Variants in UGCG observed in about 807,000 individuals in gnomAD.
The protein encoded by UGCG is UDP-glucose ceramide glucosyltransferase.
A neutral mutation model predicts 49.5 loss-of-function variants in UGCG; 10 were observed. That is an observed-to-expected ratio of 0.20 (90% CI 0.12 to 0.34). The LOEUF (loss-of-function observed/expected upper bound fraction) is 0.34. Among genes scored for constraint, UGCG ranks in the 10% least tolerant of loss-of-function variants. UGCG has a pLI of 1.00. For missense variants in UGCG, 312 were observed against 483.7 expected (o/e 0.65, Z 3.33); for synonymous variants, 182 against 158.2 (o/e 1.15, Z -1.13).
At chr9:111,899,550 G>A (rs1406026721) in intron 1 of UGCG, among the ~76,000 whole-genome samples, 1 of 152,100 alleles carries the variant, frequency 6.6e-6, no homozygotes, top group East Asian at 1.9e-4. Flanking sequence ...TCCCCAGTCT[G>A]TTTTTTGTCT....
chr9:111,931,500 C>CT (rs1220540848), intron 7 of UGCG, 143 bp downstream of exon 7: 1 of 677,488 alleles, frequency 1.5e-6, no homozygotes, highest in Admixed American at 3.1e-5. Flanking sequence ...AGTTTAACGT[C>CT]TGTGTTTAAG....
rs773122493 is a variant in UGCG at position 111,932,205 on chromosome 9, C to T, written c.860C>T (p.Thr287Ile). The T allele has an allele frequency of 6.2e-7, 1 of 1,613,944 alleles. No individual in the cohort carries two copies. The highest frequency in any genetic ancestry group is 1.7e-5 in the Admixed American group (1 of 59,992). The change falls in exon 8 of 9, where the codon ACA becomes ATA. Residue 287 changes from threonine to isoleucine, a missense_variant. Thr to Ile is a moderately conservative substitution (Grantham distance 89, BLOSUM62 -1). Around this residue, in one of 4 missense-constraint regions of UGCG, gnomAD observed 180 missense variants for 320.4 expected, o/e 0.56. Transcript: ENST00000374279. ...TKLRINMLPA[T>I]IICEPISECF... The stretch of plus-strand genomic sequence containing the variant: ...CTACGAATTAACATGCTTCCTGCTA[C>T]AATAATTTGTGAGCCAATTTCAGAA...
At chr9:111,921,118 G>A (rs1176613667) in intron 2 of UGCG, among the ~76,000 whole-genome samples, 1 of 151,656 alleles carries the variant, frequency 6.6e-6, no homozygotes, top group Non-Finnish European at 1.5e-5. Context: ...TTCCCAGGCT[G>A]GTCTCAAAAA....
chr9:111,901,466 C>T (rs965965650), intron 1 of UGCG, among the ~76,000 whole-genome samples: 1 of 152,122 alleles, frequency 6.6e-6, no homozygotes, highest in South Asian at 2.1e-4. Context: ...CAATTCAGCC[C>T]CTTTAACCTG....
chr9:111,910,414 A>G lies in UGCG; in HGVS notation c.99-4191A>G, dbSNP rs138672479. Reference sequence around the variant, plus strand: ...TTTAGACCTTCTTATTCTGTCATCCACATCTCAAACTTTTTCATGATTTCT... The same window carrying G: ...TTTAGACCTTCTTATTCTGTCATCCGCATCTCAAACTTTTTCATGATTTCT... On this transcript the variant is annotated intron_variant, in intron 1 of 8. Coordinates refer to ENST00000374279, the MANE Select transcript of UGCG (RefSeq NM_003358.3). Among the ~76,000 whole-genome samples, 15 of 152,298 alleles carry G rather than the reference A, an allele frequency of 9.8e-5. No homozygotes were observed. In the East Asian group the frequency reaches 1.3e-3, roughly 14 times the overall value.
At position 111,909,817 on chromosome 9, in the gene UGCG, A is replaced by G. The variant is rs145711237; in HGVS notation, c.99-4788A>G. Among the ~76,000 whole-genome samples, 323 of 152,328 alleles carry G rather than the reference A, an allele frequency of 2.1e-3. 7 individuals are homozygous for G. The East Asian group carries it at 0.038, about 18-fold the overall frequency. ...TTTGTTGGTTGCGTTATGTAAGTCA[A>G]AACAGTATTCTGCAAGGTAGGATCT... On this transcript the variant is annotated intron_variant, in intron 1 of 8. Transcript: ENST00000374279.
chr9:111,921,802 A>ATTTTGTTTTTTTTTTTTT (rs1838226184), intron 2 of UGCG, among the ~76,000 whole-genome samples: 1 of 55,536 alleles, frequency 1.8e-5, no homozygotes, highest in African/African-American at 6.6e-5. Flanking sequence ...CCCCAGGGTG[A>ATTTTGTTTTTTTTTTTTT]TTTTTTTTTT....
Position 111,897,076 on chromosome 9 carries a change from C to T in UGCG, c.-140C>T, listed in dbSNP as rs889232222. ...GCCCTGCCCGCCCCTTCCGTCCCCACCCCCCTCCGCCCTTTCCTCTCCCCA... is the reference window on the plus strand; with the variant it reads ...GCCCTGCCCGCCCCTTCCGTCCCCATCCCCCTCCGCCCTTTCCTCTCCCCA... On this transcript the variant is annotated 5_prime_UTR_variant, in exon 1 of 9. Transcript: ENST00000374279. 4.7e-4 allele frequency: 237 copies of T among 499,098 alleles called. 1 individual carries two copies. The highest frequency in any genetic ancestry group is 4.7e-4 in the Non-Finnish European group (139 of 293,632). The allele number at this position is 499,098 out of a possible 1,614,324, so 30.9% of individuals were successfully genotyped here.
intron 4 of UGCG, 67 bp downstream of exon 4, chr9:111,924,945 C>A: frequency 1.1e-6 from 1 of 910,390 alleles, no homozygotes; most frequent in Non-Finnish European, 1.5e-6. Flanking sequence ...AAAGCAATCT[C>A]AGATACATTC....
At position 111,897,074 on chromosome 9, in the gene UGCG, CA is replaced by C. The variant is rs1837674765; in HGVS notation, c.-141del. 1.9e-6 allele frequency: 1 copy of C among 524,792 alleles called. No individual in the cohort carries two copies. The highest frequency in any genetic ancestry group is 2.5e-5 in the South Asian group (1 of 39,658). 32.5% of individuals were successfully genotyped at this position (524,792 alleles called of 1,614,324 possible). ...AGGCCCTGCCCGCCCCTTCCGTCCC[CA>C]CCCCCCTCCGCCCTTTCCTCTCCCC... On this transcript the variant is annotated 5_prime_UTR_variant, in exon 1 of 9. Transcript: ENST00000374279.
At position 111,931,071 on chromosome 9, in the gene UGCG, A is replaced by T. The variant is rs530795008; in HGVS notation, c.738-200A>T. ...GGGTACAGTTTCTTCTAGTTCTTAG[A>T]TGGTGCTGTCACGGGCCAGCATAAT... On this transcript the variant is annotated intron_variant, in intron 6 of 8. Coordinates refer to ENST00000374279, the MANE Select transcript of UGCG (RefSeq NM_003358.3). Among the ~76,000 whole-genome samples, 6 of 152,246 alleles carry T rather than the reference A, an allele frequency of 3.9e-5. No individual in the cohort carries two copies. In the East Asian group the frequency reaches 1.2e-3, roughly 29 times the overall value.
At chr9:111,918,332 G>A (rs1838148677) in intron 2 of UGCG, among the ~76,000 whole-genome samples, 1 of 152,114 alleles carries the variant, frequency 6.6e-6, no homozygotes, top group African/African-American at 2.4e-5. Flanking sequence ...GTGAGCCACC[G>A]TGCCTGGCCT....
At position 111,896,820 on chromosome 9, in the gene UGCG, C is replaced by CGGAGCTGCGGCGGT. The variant is rs1043564998; in HGVS notation, c.-387_-374dup. The CGGAGCTGCGGCGGT allele has an allele frequency of 3.3e-5, 5 of 151,548 alleles. No individual in the cohort carries two copies. The highest frequency in any genetic ancestry group is 9.7e-5 in the African/African-American group (4 of 41,218). 9.4% of individuals were successfully genotyped at this position (151,548 alleles called of 1,614,324 possible). ...CGAGCCGCCGGTTTTGATTAGTGCG[C>CGGAGCTGCGGCGGT]GGAGCTGCGGCGGTGGAGCTGCTCG... is the stretch of plus-strand genomic sequence containing the variant. On this transcript the variant is annotated 5_prime_UTR_variant, in exon 1 of 9. Coordinates refer to ENST00000374279, the MANE Select transcript of UGCG (RefSeq NM_003358.3).
At chr9:111,918,937 CAAAAAACA>C (rs1838164459) in intron 2 of UGCG, among the ~76,000 whole-genome samples, 3 of 116,128 alleles carry the variant, frequency 2.6e-5, no homozygotes, top group African/African-American at 4.0e-5. Context: ...AAAAAAAAAA[CAAAAAACA>C]AAAAAACAAA....
intron 2 of UGCG, among the ~76,000 whole-genome samples, chr9:111,918,419 T>C (rs888632610): frequency 3.3e-5 from 5 of 152,186 alleles, no homozygotes; most frequent in African/African-American, 1.2e-4. Context: ...AGCTGATAGC[T>C]GAAAAATGAT....
chr9:111,904,219 T>C (rs1425477005), intron 1 of UGCG, among the ~76,000 whole-genome samples: 1 of 152,252 alleles, frequency 6.6e-6, no homozygotes, highest in Admixed American at 6.5e-5. Context: ...TGCCCTGTTA[T>C]CTTGAATCCA....
intron 1 of UGCG, among the ~76,000 whole-genome samples, chr9:111,900,125 T>A (rs1837739508): frequency 6.6e-6 from 1 of 151,896 alleles, no homozygotes; most frequent in African/African-American, 2.4e-5. Flanking sequence ...GGTTAATTTT[T>A]TTTTTTTTTT....
intron 1 of UGCG, among the ~76,000 whole-genome samples, chr9:111,912,979 CTTAG>C (rs1838043668): frequency 6.6e-6 from 1 of 152,010 alleles, no homozygotes. Context: ...ACACACCTGC[CTTAG>C]TTAGAGACCA....
At position 111,932,409 on chromosome 9, in the gene UGCG, C is replaced by A. The variant is rs773412990; in HGVS notation, c.1014+50C>A. The stretch of plus-strand genomic sequence containing the variant: ...TGGCAGTCCCTTGGTGGAACTAGAA[C>A]TATTTCAATTTAGAAAAAGTTGAAG... On this transcript the variant is annotated intron_variant, in intron 8 of 8. Transcript: ENST00000374279. 3.9e-6 allele frequency: 6 copies of A among 1,519,788 alleles called. No homozygotes were observed. The African/African-American group carries it at 6.9e-5, about 18-fold the overall frequency. 94.1% of individuals were successfully genotyped at this position (1,519,788 alleles called of 1,614,324 possible). A position where few individuals can be genotyped will look rare whatever the true frequency, so the allele number is the denominator to read the frequency against.
Sources: gnomAD v4.1 joint callset for allele counts (sites outside exome capture counted in the v4.1 genomes callset) on GRCh38, gnomAD v4.1.1 for gene constraint, gnomAD v4.1.1 regional missense constraint, MANE v1.5 for transcripts, NCBI Gene and HGNC (gene_info 2026-07-23, HGNC 2026-07-21) for gene names.